DYNC1I1: variants seen among roughly 807,000 people sequenced by gnomAD.
The protein encoded by DYNC1I1 is dynein cytoplasmic 1 intermediate chain 1.
Under a neutral mutation model 86.6 loss-of-function variants are expected in DYNC1I1, and 43 were observed. That is an observed-to-expected ratio of 0.50 (90% confidence interval 0.39 to 0.64). DYNC1I1 has a LOEUF of 0.64. DYNC1I1 is among the 30% of genes least tolerant of loss of function. The pLI is 0.00. For synonymous variants in DYNC1I1, 262 were observed against 283.7 expected (o/e 0.92, Z 0.77); for missense variants, 604 against 788.8 (o/e 0.77, Z 2.81).
At chr7:96,098,442 G>A, downstream of DYNC1I1, 6 of 984,054 alleles carry the variant, frequency 6.1e-6, no homozygotes, top group Non-Finnish European at 7.2e-6. Flanking sequence ...ACCAGTGTGA[G>A]TAAATCCTTT....
At chr7:96,049,660 G>A (rs1454366243) in intron 14 of DYNC1I1, among the ~76,000 whole-genome samples, 1 of 151,994 alleles carries the variant, frequency 6.6e-6, no homozygotes, top group African/African-American at 2.4e-5. Flanking sequence ...AGAAAGAATT[G>A]GTGCTAAGAG....
At chr7:96,088,754 T>C (rs1349258325) in intron 16 of DYNC1I1, among the ~76,000 whole-genome samples, 2 of 152,188 alleles carry the variant, frequency 1.3e-5, no homozygotes, top group African/African-American at 4.8e-5. Context: ...CTTATTCATG[T>C]TTCCTGTGTA....
At chr7:96,030,276 A>G (rs1794775613) in intron 11 of DYNC1I1, among the ~76,000 whole-genome samples, 1 of 151,780 alleles carries the variant, frequency 6.6e-6, no homozygotes, top group Admixed American at 6.6e-5. Context: ...ACAATCTGGC[A>G]TCTATACTGG....
chr7:95,791,061 A>AT (rs1368508898), intron 1 of DYNC1I1, among the ~76,000 whole-genome samples: 3 of 152,190 alleles, frequency 2.0e-5, no homozygotes, highest in Non-Finnish European at 2.9e-5. Flanking sequence ...GAATAAATTG[A>AT]TTTTTTGTGA....
In DYNC1I1 at chr7:96,047,760, C is replaced by T. The variant is rs34462158; in HGVS notation, c.1509+8339C>T. 7.0e-3 allele frequency among the ~76,000 whole-genome samples: 1,066 copies of T among 152,096 alleles called. 6 individuals are homozygous for T. Among genetic ancestry groups the T allele is most frequent in the Non-Finnish European group, 9.7e-3 (658 of 67,994 alleles). Reference sequence around the variant, plus strand: ...TCTCTGAGAGACCTGAGTATATTTGCGGCCTGAAGAGGAGCCAGTGAAAGG... The same window carrying T: ...TCTCTGAGAGACCTGAGTATATTTGTGGCCTGAAGAGGAGCCAGTGAAAGG... On this transcript the variant is annotated intron_variant, in intron 14 of 16. Transcript: ENST00000447467.
chr7:96,064,295 T>C (rs993055170), intron 14 of DYNC1I1, among the ~76,000 whole-genome samples: 3 of 151,700 alleles, frequency 2.0e-5, no homozygotes, highest in Non-Finnish European at 4.4e-5. Context: ...TTCAGGGACA[T>C]ACTGATGCTT....
intron 6 of DYNC1I1, among the ~76,000 whole-genome samples, chr7:95,944,423 A>G (rs987193246): frequency 7.2e-5 from 11 of 152,162 alleles, no homozygotes; most frequent in Non-Finnish European, 1.2e-4. Flanking sequence ...TACACTGTTG[A>G]TGGGACTGTA....
At position 95,915,859 on chromosome 7, in the gene DYNC1I1, T is replaced by A. The variant is rs1584156215; in HGVS notation, c.490+45861T>A. Among the ~76,000 whole-genome samples, 9 of 152,320 alleles carry A rather than the reference T, an allele frequency of 5.9e-5. No individual in the cohort carries two copies. The South Asian group carries it at 1.7e-3, about 28-fold the overall frequency. ...TTCTGTTTAAGTTGGGATGTGCCAA[T>A]AAATAGGGTTTCCCATTGCAGCTCA... On this transcript the variant is annotated intron_variant, in intron 6 of 16. Transcript: ENST00000447467.
intron 12 of DYNC1I1, among the ~76,000 whole-genome samples, chr7:96,034,822 G>A (rs933483108): frequency 2.6e-5 from 4 of 152,040 alleles, no homozygotes; most frequent in African/African-American, 9.7e-5. Flanking sequence ...AAACTCTCAA[G>A]CAACTATAAT....
chr7:95,849,261 C>T (rs1051983653), intron 5 of DYNC1I1, among the ~76,000 whole-genome samples: 6 of 152,148 alleles, frequency 3.9e-5, no homozygotes. Context: ...GCTTTTGCAG[C>T]ATGTGCTTTT....
chr7:96,075,970 G>T (rs1180523702), intron 14 of DYNC1I1, 87 bp from the exon 15 acceptor site: 12 of 1,522,590 alleles, frequency 7.9e-6, no homozygotes, highest in Non-Finnish European at 9.7e-6. Context: ...GACACTTTGT[G>T]AATGTGCAAA....
intron 5 of DYNC1I1, among the ~76,000 whole-genome samples, chr7:95,853,655 G>A (rs138226877): frequency 1.5e-3 from 235 of 152,284 alleles, no homozygotes; most frequent in African/African-American, 5.2e-3. Flanking sequence ...GGAATGTTCT[G>A]TTTATGTCTG....
At chr7:95,997,670 TTA>T (rs1793904217) in intron 10 of DYNC1I1, among the ~76,000 whole-genome samples, 1 of 151,486 alleles carries the variant, frequency 6.6e-6, no homozygotes, top group South Asian at 2.1e-4. Context: ...AACATTTTTT[TTA>T]GTTTCTCCCT....
intron 13 of DYNC1I1, among the ~76,000 whole-genome samples, chr7:96,036,754 C>A (rs966361905): frequency 1.3e-5 from 2 of 152,118 alleles, no homozygotes; most frequent in Non-Finnish European, 2.9e-5. Context: ...ACACAAACCA[C>A]CATGCAGTTC....
intron 14 of DYNC1I1, chr7:96,056,255 G>A (rs1047886485): frequency 6.6e-6 from 1 of 152,064 alleles, no homozygotes; most frequent in Non-Finnish European, 1.5e-5. Flanking sequence ...TCTTAAGGTA[G>A]CAATCCATAG....
intron 10 of DYNC1I1, among the ~76,000 whole-genome samples, chr7:96,027,863 C>T (rs1407797289): frequency 1.3e-5 from 2 of 152,024 alleles, no homozygotes; most frequent in African/African-American, 4.8e-5. Context: ...TGGGAAATGT[C>T]CATAAAGCAA....
chr7:95,892,248 TG>T (rs1268502634), intron 6 of DYNC1I1, among the ~76,000 whole-genome samples: 2 of 151,704 alleles, frequency 1.3e-5, no homozygotes, highest in African/African-American at 2.4e-5. Context: ...GCAATTCTCC[TG>T]CCTCAGCCTC....
rs534745036 is a variant in DYNC1I1 at position 95,801,787 on chromosome 7, T to C, written c.-9-2934T>C. 6.6e-5 allele frequency among the ~76,000 whole-genome samples: 10 copies of C among 152,314 alleles called. No individual in the cohort carries two copies. In the South Asian group the frequency reaches 1.9e-3, roughly 28 times the overall value. On this transcript the variant is annotated intron_variant, in intron 1 of 16. Coordinates refer to ENST00000447467, the MANE Select transcript of DYNC1I1 (RefSeq NM_001135556.2). ...GAATTCCTGCCAGGAATTTTACCCA[T>C]TGGTGTTGAAAATTATTGGCAACCT... is the stretch of plus-strand genomic sequence containing the variant.
intron 10 of DYNC1I1, among the ~76,000 whole-genome samples, chr7:96,017,320 T>A (rs558376865): frequency 2.0e-5 from 3 of 152,176 alleles, no homozygotes; most frequent in Non-Finnish European, 4.4e-5. Context: ...TCTCTATAAA[T>A]AAAACAAAGT....
Sources: allele counts gnomAD v4.1 joint callset (sites outside exome capture counted in the v4.1 genomes callset), GRCh38; gene constraint gnomAD v4.1.1; transcripts MANE v1.5; gene names NCBI Gene and HGNC (gene_info 2026-07-23, HGNC 2026-07-21).